MED13: variants seen among roughly 807,000 people sequenced by gnomAD.
MED13 encodes the protein mediator of RNA polymerase II transcription subunit 13.
A neutral mutation model predicts 225.2 loss-of-function variants in MED13; 23 were observed. The observed-to-expected ratio is 0.10, with a 90% CI of 0.07 to 0.14. The LOEUF (loss-of-function observed/expected upper bound fraction) is 0.14, where lower values mean the gene tolerates loss of function less well. Ranked by LOEUF, MED13 falls within the 10% of genes least tolerant of loss-of-function variation. The pLI, the probability that MED13 is intolerant of heterozygous loss-of-function variation, is 1.00. For synonymous variants in MED13, 942 were observed against 889.2 expected, an observed-to-expected ratio of 1.06 and a Z score of -1.06; for missense variants, 2,197 against 2,594.5, an observed-to-expected ratio of 0.85 and a Z score of 3.33.
intron 3 of MED13, among the ~76,000 whole-genome samples, chr17:62,048,539 G>A (rs2080924214): frequency 6.6e-6 from 1 of 151,992 alleles, no homozygotes; most frequent in Non-Finnish European, 1.5e-5. Context: ...GAAACAGAGG[G>A]ACTCAGAATT....
chr17:61,992,554 G>A lies in MED13; in HGVS notation c.2249C>T (p.Pro750Leu). 1.2e-6 allele frequency: 2 copies of A among 1,607,134 alleles called. No individual in the cohort carries two copies. The highest frequency in any genetic ancestry group is 1.1e-5 in the South Asian group (1 of 90,792). ...HEEDAMSLFSPSIKQDAPRPT... is the reference protein window; with the variant it reads ...HEEDAMSLFSLSIKQDAPRPT... ...AAAGATTTTACCTTGCTTGATAGAG[G>A]GACTAAATAATGACATAGCATCTTC... Residue 750 changes from proline (P) to leucine (L), a missense_variant, in exon 11 of 30, where the codon CCC becomes CTC. Transcript: ENST00000397786.
At chr17:62,027,098 A>G (rs1025249455) in intron 8 of MED13, among the ~76,000 whole-genome samples, 1 of 152,238 alleles carries the variant, frequency 6.6e-6, no homozygotes, top group African/African-American at 2.4e-5. Flanking sequence ...TTAAATTTCT[A>G]TGAAATTCAA....
intron 16 of MED13, among the ~76,000 whole-genome samples, chr17:61,978,029 C>T (rs531081923): frequency 1.3e-5 from 2 of 152,268 alleles, no homozygotes; most frequent in African/African-American, 4.8e-5. Context: ...TCAATATTTT[C>T]CATTATTTGG....
At chr17:61,983,988 A>G (rs967474095) in intron 15 of MED13, among the ~76,000 whole-genome samples, 183 bp downstream of exon 15, 4 of 152,192 alleles carry the variant, frequency 2.6e-5, no homozygotes, top group African/African-American at 9.7e-5. Context: ...TTGGCCTCCC[A>G]AAGTATGGGA....
intron 10 of MED13, 22 bp downstream of exon 10, chr17:61,995,130 G>T (rs774340673): frequency 6.5e-7 from 1 of 1,530,434 alleles, no homozygotes; most frequent in East Asian, 2.3e-5. Context: ...GTGACCCTTT[G>T]GTGTACTGTG....
At chr17:61,973,859 T>C (rs145917952) in intron 16 of MED13, among the ~76,000 whole-genome samples, 1 of 152,068 alleles carries the variant, frequency 6.6e-6, no homozygotes, top group Non-Finnish European at 1.5e-5. Context: ...GGCACATGCC[T>C]GTAATCCCAG....
At chr17:62,031,874 G>C (rs1046734657) in intron 5 of MED13, among the ~76,000 whole-genome samples, 3 of 151,520 alleles carry the variant, frequency 2.0e-5, no homozygotes, top group Non-Finnish European at 1.5e-5. Context: ...TTTGCTGAGA[G>C]AGATTTGGAA....
chr17:62,062,600 C>CCACA (rs58730188), intron 2 of MED13, among the ~76,000 whole-genome samples: 6,177 of 136,248 alleles, frequency 0.045, 175 homozygotes, highest in East Asian at 0.12. Flanking sequence ...CACACACACA[C>CCACA]CACACACACA....
chr17:61,993,800 G>C (rs551243372), intron 10 of MED13, among the ~76,000 whole-genome samples: 1 of 151,640 alleles, frequency 6.6e-6, no homozygotes, highest in Non-Finnish European at 1.5e-5. Context: ...GCGTAGTGGC[G>C]CATGCCTGTA....
At chr17:62,038,596 TTACTC>T (rs1443090309) in intron 3 of MED13, among the ~76,000 whole-genome samples, 1 of 152,198 alleles carries the variant, frequency 6.6e-6, no homozygotes, top group Admixed American at 6.5e-5. Context: ...GAAAATAAGT[TTACTC>T]TAGTATGTAT....
At chr17:61,984,942 G>A in intron 13 of MED13, 58 bp downstream of exon 13, 2 of 1,595,880 alleles carry the variant, frequency 1.3e-6, no homozygotes, top group Non-Finnish European at 1.7e-6. Flanking sequence ...GGAGTGGGGA[G>A]CTTTGTTGAG....
At chr17:62,058,884 G>C (rs1453563744) in intron 2 of MED13, among the ~76,000 whole-genome samples, 12 of 152,200 alleles carry the variant, frequency 7.9e-5, no homozygotes, top group Non-Finnish European at 4.4e-5. Context: ...TGCTGTAACT[G>C]ATCTTTGCCA....
intron 9 of MED13, among the ~76,000 whole-genome samples, chr17:61,998,413 G>A (rs2080363891): frequency 6.6e-6 from 1 of 152,094 alleles, no homozygotes; most frequent in South Asian, 2.1e-4. Context: ...ATACTATCCT[G>A]AAATGTACTC....
rs530757133 is a variant in MED13 at position 62,001,749 on chromosome 17, A to G, written c.1968-6384T>C. On this transcript the variant is annotated intron_variant, in intron 9 of 29. Transcript: ENST00000397786. ...TATTTTATTTATACCTCTATCAGAT[A>G]ATATGCTATTTTCCATTAGACTACA... Among the ~76,000 whole-genome samples the G allele has an allele frequency of 8.5e-5, 13 of 152,308 alleles. No homozygotes were observed. The East Asian group carries it at 2.5e-3, about 29-fold the overall frequency.
At chr17:62,054,655 T>A (rs1047270635) in intron 2 of MED13, among the ~76,000 whole-genome samples, 1 of 152,194 alleles carries the variant, frequency 6.6e-6, no homozygotes, top group African/African-American at 2.4e-5. Context: ...GCTTTCAATT[T>A]AATGAGGTCC....
At position 61,985,048 on chromosome 17, in the gene MED13, T is replaced by C. The variant is rs1458780850; in HGVS notation, c.2428A>G (p.Ser810Gly). Reference protein sequence around the residue: ...KSANGSDDKASCKESKTGNLD... With the variant: ...KSANGSDDKAGCKESKTGNLD... ...TTTCCTGTCTTTGATTCCTTGCAGC[T>C]GGCTTTATCATCTGATCCATTTGCT... Residue 810 changes from serine to glycine, a missense_variant, in exon 13 of 30, where the codon AGC (serine) becomes GGC (glycine). Ser to Gly is a moderately conservative substitution (Grantham distance 56, BLOSUM62 0). Transcript: ENST00000397786. The C allele has an allele frequency of 1.2e-6, 2 of 1,613,950 alleles. No homozygotes were observed. The highest frequency in any genetic ancestry group is 1.7e-5 in the Admixed American group (1 of 60,000).
intron 2 of MED13, 69 bp downstream of exon 2, chr17:62,062,998 C>T (rs2081053337): frequency 1.6e-6 from 2 of 1,214,384 alleles, no homozygotes; most frequent in East Asian, 2.3e-5. Flanking sequence ...ATTTGTAATA[C>T]ATATGACATT....
intron 3 of MED13, among the ~76,000 whole-genome samples, chr17:62,046,076 C>CCA (rs1369994240): frequency 6.6e-6 from 1 of 152,056 alleles, no homozygotes; most frequent in Non-Finnish European, 1.5e-5. Context: ...AATACTTATA[C>CCA]CAAAAGTGAA....
intron 2 of MED13, among the ~76,000 whole-genome samples, chr17:62,058,539 A>AAAG: frequency 6.8e-6 from 1 of 146,454 alleles, no homozygotes; most frequent in East Asian, 2.1e-4. Flanking sequence ...AAAAAAAAAA[A>AAAG]AAAGAAAGAA....
Sources: gnomAD v4.1 joint callset for allele counts (sites outside exome capture counted in the v4.1 genomes callset) on GRCh38, gnomAD v4.1.1 for gene constraint, MANE v1.5 for transcripts, NCBI Gene and HGNC (gene_info 2026-07-23, HGNC 2026-07-21) for gene names.